The following NAV2 variants were observed in gnomAD, a reference collection of about 807,000 sequenced individuals.
The protein encoded by NAV2 is helicase, APC down-regulated 1.
A neutral mutation model predicts 223.2 loss-of-function variants in NAV2; 54 were observed. The ratio of observed to expected loss-of-function variants is 0.24; its 90% CI spans 0.19 to 0.30. The LOEUF is 0.30. Ranked by LOEUF, NAV2 falls within the 10% of genes least tolerant of loss-of-function variation. The pLI is 1.00. For missense variants in NAV2, 2,806 were observed against 3,147.5 expected (o/e 0.89, Z 2.60); for synonymous variants, 1,279 against 1,239.3 (o/e 1.03, Z -0.67).
At chr11:19,959,786 C>T (rs1006659829) in intron 10 of NAV2, among the ~76,000 whole-genome samples, 10 of 152,302 alleles carry the variant, frequency 6.6e-5, no homozygotes, top group Middle Eastern at 3.4e-3. Context: ...AGCATGAACA[C>T]GATACCCTCC....
Position 19,946,435 on chromosome 11 carries a change from G to A in NAV2, c.2181G>A (p.Val727=). 2 of 1,613,646 alleles carry A rather than the reference G, an allele frequency of 1.2e-6. No homozygotes were observed. The highest frequency in any genetic ancestry group is 8.5e-7 in the Non-Finnish European group (1 of 1,179,860). Reference sequence around the variant, plus strand: ...CTGAGGCTCGGCGGCTGCGGACAGTGAAGAACATCGCTGATCTGCGGCAGA... The same window carrying A: ...CTGAGGCTCGGCGGCTGCGGACAGTAAAGAACATCGCTGATCTGCGGCAGA... ...EDPEARRLRT[V]KNIADLRQNL... The change falls in exon 9 of 38, where the codon GTG becomes GTA. Residue 727 remains valine (V), a synonymous_variant. Transcript: ENST00000349880.
chr11:19,608,077 C>A (rs367556930), intron 1 of NAV2, among the ~76,000 whole-genome samples: 13 of 152,188 alleles, frequency 8.5e-5, no homozygotes, highest in African/African-American at 3.1e-4. Context: ...CCCTGGTTAC[C>A]CATCAATAGC....
chr11:19,864,297 A>G (rs2061964249), intron 3 of NAV2, among the ~76,000 whole-genome samples: 1 of 152,100 alleles, frequency 6.6e-6, no homozygotes, highest in Admixed American at 6.5e-5. Context: ...ACCCATAGAG[A>G]TGGTCTTCCT....
rs1256594840 is a variant in NAV2 at position 20,114,866 on chromosome 11, C to T, written c.7164+71C>T. ...ACTGTGTGTTGGGTATGATGCAGAG[C>T]CTCTGGAAATACAAAGGTGACTAAA... On this transcript the variant is annotated intron_variant, in intron 37 of 37. Transcript: ENST00000349880. The T allele has an allele frequency of 7.0e-6, 10 of 1,426,974 alleles. No homozygotes were observed. The East Asian group carries it at 2.0e-4, about 28-fold the overall frequency. 88.4% of individuals were successfully genotyped at this position (1,426,974 alleles called of 1,614,324 possible). A position where few individuals can be genotyped will look rare whatever the true frequency, so the allele number is the denominator to read the frequency against.
At chr11:19,951,653 T>C (rs1273157159) in intron 10 of NAV2, among the ~76,000 whole-genome samples, 1 of 152,236 alleles carries the variant, frequency 6.6e-6, no homozygotes, top group Non-Finnish European at 1.5e-5. Context: ...TGATGTAGTG[T>C]TGATTATGTC....
intron 10 of NAV2, among the ~76,000 whole-genome samples, chr11:19,971,068 T>C (rs2049195986): frequency 6.6e-6 from 1 of 152,182 alleles, no homozygotes; most frequent in African/African-American, 2.4e-5. Context: ...CAGACCATCA[T>C]GGTGTGGGAA....
chr11:19,394,548 G>A (rs537289555), intron 1 of NAV2, among the ~76,000 whole-genome samples: 1 of 150,282 alleles, frequency 6.7e-6, no homozygotes, highest in East Asian at 1.9e-4. Context: ...TCAGAGCTTA[G>A]AGTCTTGTGG....
intron 1 of NAV2, among the ~76,000 whole-genome samples, chr11:19,438,261 G>A (rs529256270): frequency 6.6e-6 from 1 of 152,260 alleles, no homozygotes; most frequent in East Asian, 1.9e-4. Context: ...GGGTACTATT[G>A]TTATCCCAGT....
upstream of NAV2, chr11:19,350,588 G>A (rs1354271250): frequency 3.6e-6 from 1 of 276,378 alleles, no homozygotes; most frequent in East Asian, 7.3e-5. Context: ...CTGTGCCAAG[G>A]AGACAGTGAA....
chr11:19,903,735 G>A (rs964628280), intron 6 of NAV2, among the ~76,000 whole-genome samples: 1 of 152,172 alleles, frequency 6.6e-6, no homozygotes, highest in Non-Finnish European at 1.5e-5. Context: ...AGTTTTGTGT[G>A]TGTTTCCTAG....
At chr11:20,044,346 A>C (rs2057235292) in intron 13 of NAV2, 74 bp downstream of exon 13, 3 of 1,314,064 alleles carry the variant, frequency 2.3e-6, no homozygotes, top group Non-Finnish European at 3.1e-6. Context: ...TCTAGCAAGG[A>C]CTTGACATTA....
At chr11:19,714,726 T>C (rs1307919567) in intron 1 of NAV2, among the ~76,000 whole-genome samples, 1 of 152,100 alleles carries the variant, frequency 6.6e-6, no homozygotes, top group African/African-American at 2.4e-5. Flanking sequence ...GGGAGATGGC[T>C]TGAAGAGAAT....
chr11:19,516,761 T>G (rs2043466341), intron 1 of NAV2, among the ~76,000 whole-genome samples: 1 of 152,224 alleles, frequency 6.6e-6, no homozygotes, highest in Non-Finnish European at 1.5e-5. Flanking sequence ...TGTTTCCACC[T>G]GGATGAGGAC....
intron 3 of NAV2, among the ~76,000 whole-genome samples, chr11:19,866,125 A>G (rs1368695324): frequency 6.6e-6 from 1 of 152,256 alleles, no homozygotes; most frequent in African/African-American, 2.4e-5. Context: ...CAGAGCAGAC[A>G]TCTACACAAT....
chr11:19,395,574 G>A (rs1320534393), intron 1 of NAV2, among the ~76,000 whole-genome samples: 6 of 152,220 alleles, frequency 3.9e-5, no homozygotes, highest in Non-Finnish European at 8.8e-5. Flanking sequence ...AACCATGCAG[G>A]CGGCTGACAG....
intron 10 of NAV2, among the ~76,000 whole-genome samples, chr11:19,980,404 G>A (rs2050193233): frequency 6.6e-6 from 1 of 152,212 alleles, no homozygotes; most frequent in South Asian, 2.1e-4. Flanking sequence ...TCTCCAAGGA[G>A]AAGGAAAGTG....
Position 20,092,362 on chromosome 11 carries a change from A to C in NAV2, c.5809A>C (p.Ser1937Arg). Residue 1937 changes from serine (S) to arginine (R), a missense_variant, in exon 28 of 38, where the codon AGC becomes CGC. Coordinates refer to ENST00000349880, the MANE Select transcript of NAV2 (RefSeq NM_145117.5). The stretch of plus-strand genomic sequence containing the variant: ...CAGCTTGAACCTCACTGAGTCAACC[A>C]GCCTGGGTGAGTGGCCTACAGGGTT... ...QHSLNLTEST[S>R]LDMLLDDTGE... 2 of 1,611,146 alleles carry C rather than the reference A, an allele frequency of 1.2e-6. No individual in the cohort carries two copies. Among genetic ancestry groups the C allele is most frequent in the Non-Finnish European group, 1.7e-6 (2 of 1,177,606 alleles).
At chr11:19,742,937 T>C (rs2052982501) in intron 1 of NAV2, among the ~76,000 whole-genome samples, 1 of 152,170 alleles carries the variant, frequency 6.6e-6, no homozygotes, top group Non-Finnish European at 1.5e-5. Context: ...TTCTGTAGTG[T>C]CTTATTAAAG....
chr11:19,916,676 G>A (rs2043835706), intron 6 of NAV2, among the ~76,000 whole-genome samples: 1 of 152,208 alleles, frequency 6.6e-6, no homozygotes, highest in Non-Finnish European at 1.5e-5. Flanking sequence ...CTGGAGCAAG[G>A]GATAGCAGAC....
Sources: allele counts gnomAD v4.1 joint callset (sites outside exome capture counted in the v4.1 genomes callset), GRCh38; gene constraint gnomAD v4.1.1; transcripts MANE v1.5; gene names NCBI Gene and HGNC (gene_info 2026-07-23, HGNC 2026-07-21).